The following PCLO variants were observed in gnomAD, a reference collection of about 807,000 sequenced individuals.
The protein encoded by PCLO is piccolo presynaptic cytomatrix protein, also known as protein piccolo.
Under a neutral mutation model 427.5 loss-of-function variants are expected in PCLO, and 82 were observed. That is an observed-to-expected ratio of 0.19 (90% CI 0.16 to 0.23). PCLO has a LOEUF of 0.23. Among genes scored for constraint, PCLO ranks in the 10% least tolerant of loss-of-function variants. PCLO has a pLI of 1.00. For missense variants in PCLO, 6,239 were observed against 6,115.9 expected (o/e 1.02, Z -0.67); for synonymous variants, 2,357 against 2,155.4 (o/e 1.09, Z -2.59).
chr7:83,155,185 G>T lies in PCLO; in HGVS notation c.1456C>A (p.Pro486Thr). 6.2e-7 allele frequency: 1 copy of T among 1,600,160 alleles called. No individual in the cohort carries two copies. Among genetic ancestry groups the T allele is most frequent in the Non-Finnish European group, 8.5e-7 (1 of 1,177,170 alleles). Residue 486 changes from proline to threonine, a missense_variant, in exon 2 of 25, where the codon CCA becomes ACA. Physicochemically the swap from Pro to Thr is conservative, Grantham distance 38 (BLOSUM62 -1). Coordinates refer to ENST00000333891, the MANE Select transcript of PCLO (RefSeq NM_033026.6). ...PAKPPPQQPG[P>T]AKPPPQQPGS... ...GGCTGTTGAGGTGGGGGCTTTGCTGGGCCAGGCTGTTGAGGTGGGGGCTTT... is the reference window on the plus strand; with the variant it reads ...GGCTGTTGAGGTGGGGGCTTTGCTGTGCCAGGCTGTTGAGGTGGGGGCTTT...
At chr7:82,824,530 A>G (rs1259975205) in intron 18 of PCLO, 114 bp from the exon 19 acceptor site, 1 of 553,210 alleles carries the variant, frequency 1.8e-6, no homozygotes, top group African/African-American at 1.9e-5. Flanking sequence ...ATACAGTATA[A>G]CTTTTGAGGA....
chr7:82,830,699 T>C (rs893030815), intron 16 of PCLO, among the ~76,000 whole-genome samples: 1 of 151,980 alleles, frequency 6.6e-6, no homozygotes, highest in East Asian at 1.9e-4. Flanking sequence ...TTCTAAAAAA[T>C]ACATAATTTG....
At chr7:83,029,855 G>A (rs1386003291) in intron 3 of PCLO, among the ~76,000 whole-genome samples, 11 of 146,240 alleles carry the variant, frequency 7.5e-5, no homozygotes, top group South Asian at 2.2e-4. Context: ...GTAAACTATC[G>A]CAAGAACAAA....
At chr7:83,065,788 C>G (rs1236136769) in intron 3 of PCLO, among the ~76,000 whole-genome samples, 4 of 151,970 alleles carry the variant, frequency 2.6e-5, no homozygotes, top group Admixed American at 6.6e-5. Context: ...TGAACAAATA[C>G]ATGGAAGTCA....
intron 10 of PCLO, among the ~76,000 whole-genome samples, chr7:82,870,726 TC>T (rs1211548883): frequency 6.6e-6 from 1 of 151,900 alleles, no homozygotes; most frequent in Non-Finnish European, 1.5e-5. Flanking sequence ...TATAAGGAAC[TC>T]AAACAACTTA....
At chr7:82,998,197 G>C (rs1265205677) in intron 3 of PCLO, among the ~76,000 whole-genome samples, 1 of 151,938 alleles carries the variant, frequency 6.6e-6, no homozygotes, top group African/African-American at 2.4e-5. Context: ...AAGCCTGAGA[G>C]TTTGAATCCA....
At chr7:82,895,640 T>C (rs1193176520) in intron 9 of PCLO, among the ~76,000 whole-genome samples, 7 of 151,988 alleles carry the variant, frequency 4.6e-5, no homozygotes, top group Non-Finnish European at 1.0e-4. Context: ...AGGGCTTCAC[T>C]GTGTGACCTA....
intron 3 of PCLO, among the ~76,000 whole-genome samples, chr7:83,029,985 T>C (rs1788618568): frequency 7.8e-6 from 1 of 128,644 alleles, no homozygotes; most frequent in Non-Finnish European, 1.7e-5. Flanking sequence ...GGGGGAGGGA[T>C]AGCATTGGGA....
chr7:83,049,973 C>T (rs1789192960), intron 3 of PCLO, among the ~76,000 whole-genome samples: 1 of 151,312 alleles, frequency 6.6e-6, no homozygotes, highest in South Asian at 2.1e-4. Flanking sequence ...CATCTTTCCT[C>T]AAATTTGTTA....
chr7:82,956,649 T>C lies in PCLO; in HGVS notation c.4304A>G (p.Lys1435Arg). 1 of 1,613,960 alleles carries C rather than the reference T, an allele frequency of 6.2e-7. No individual in the cohort carries two copies. The highest frequency in any genetic ancestry group is 8.5e-7 in the Non-Finnish European group (1 of 1,179,868). The change falls in exon 5 of 25, where the codon AAA becomes AGA. Residue 1435 changes from lysine (K) to arginine (R), a missense_variant. Coordinates refer to ENST00000333891, the MANE Select transcript of PCLO (RefSeq NM_033026.6). ...STLADEKSEK[K>R]TQPHEVSPEQ... ...AGGAGAAACTTCATGGGGTTGTGTT[T>C]TCTTTTCTGACTTTTCATCAGCAAG...
chr7:82,943,728 T>C (rs371245741), intron 6 of PCLO, among the ~76,000 whole-genome samples: 3 of 151,986 alleles, frequency 2.0e-5, no homozygotes, highest in East Asian at 3.9e-4. Context: ...GGAGCTCTGG[T>C]TTATGGAATT....
At position 82,950,095 on chromosome 7, in the gene PCLO, C is replaced by A. The variant is rs1257854025; in HGVS notation, c.10493G>T (p.Gly3498Val). The A allele has an allele frequency of 6.2e-7, 1 of 1,610,974 alleles. No homozygotes were observed. Residue 3498 changes from glycine to valine, a missense_variant, in exon 6 of 25, where the codon GGT becomes GTT. Gly to Val is a moderately radical substitution (Grantham distance 109). This residue lies in a region of PCLO where 4,677 missense variants were observed against 4,468.4 expected (regional missense o/e 1.05). Transcript: ENST00000333891. ...CTTGTCAGCCTCTGTCATGCTGTCA[C>A]CATATTTCCCTACACGAGCTTTCCT... ...SRRKARVGKY[G>V]DSMTEADKTK...
intron 3 of PCLO, among the ~76,000 whole-genome samples, chr7:82,969,294 TG>T (rs975883289): frequency 2.6e-5 from 4 of 152,138 alleles, no homozygotes; most frequent in African/African-American, 9.7e-5. Context: ...AAGTAATGCT[TG>T]GTAAACCTAT....
intron 3 of PCLO, among the ~76,000 whole-genome samples, chr7:83,039,602 T>C (rs1440915768): frequency 6.6e-6 from 1 of 152,124 alleles, no homozygotes; most frequent in East Asian, 1.9e-4. Context: ...TTACTGCTGC[T>C]TTGTAGTAAG....
chr7:82,983,407 T>A (rs1435644605), intron 3 of PCLO, among the ~76,000 whole-genome samples: 1 of 150,988 alleles, frequency 6.6e-6, no homozygotes, highest in African/African-American at 2.4e-5. Flanking sequence ...ATATACTTCA[T>A]AATAAACAAT....
intron 8 of PCLO, among the ~76,000 whole-genome samples, chr7:82,904,935 T>A (rs1794149318): frequency 6.6e-6 from 1 of 152,186 alleles, no homozygotes; most frequent in East Asian, 1.9e-4. Flanking sequence ...ATAATTATGA[T>A]CAATATGACC....
chr7:82,794,459 CTTTTTTTT>C (rs778108792), intron 22 of PCLO, among the ~76,000 whole-genome samples: 798 of 56,400 alleles, frequency 0.014, 44 homozygotes, highest in Non-Finnish European at 0.019. Context: ...AATTTTTTTT[CTTTTTTTT>C]TTTTTTTTTT....
chr7:82,902,798 T>C (rs1359326947), intron 8 of PCLO, 57 bp from the exon 9 acceptor site: 2 of 813,328 alleles, frequency 2.5e-6, no homozygotes, highest in Non-Finnish European at 4.2e-6. Context: ...TAAAGTGCAA[T>C]ATACATAATT....
intron 3 of PCLO, among the ~76,000 whole-genome samples, chr7:83,063,330 G>A (rs1265533251): frequency 6.6e-6 from 1 of 151,962 alleles, no homozygotes; most frequent in Non-Finnish European, 1.5e-5. Flanking sequence ...ACTCAAATCT[G>A]CTCTTTTGTT....
Sources: gnomAD v4.1 joint callset for allele counts (sites outside exome capture counted in the v4.1 genomes callset) on GRCh38, gnomAD v4.1.1 for gene constraint, gnomAD v4.1.1 regional missense constraint, MANE v1.5 for transcripts, NCBI Gene and HGNC (gene_info 2026-07-23, HGNC 2026-07-21) for gene names.